GXYLT2: variants seen among roughly 807,000 people sequenced by gnomAD.
The protein encoded by GXYLT2 is glucoside xylosyltransferase 2.
A neutral mutation model predicts 45.8 loss-of-function variants in GXYLT2; 53 were observed. That is an observed-to-expected ratio of 1.16 (90% CI 0.93 to 1.46). GXYLT2 has a LOEUF of 1.46. GXYLT2 is among the 40% of genes most tolerant of loss of function. The probability of loss-of-function intolerance (pLI) is 0.00; values close to 1 mark genes in which losing one functional copy is unlikely to be tolerated. For synonymous variants in GXYLT2, 219 were observed against 214.2 expected (o/e 1.02, Z -0.19); for missense variants, 551 against 544.4 (o/e 1.01, Z -0.12).
rs55680713 is a variant in GXYLT2 at position 72,959,106 on chromosome 3, C to CTTTT, written c.976+1780_976+1783dup. ...TATAGGTGTGCATCACCACACCCAG[C>CTTTT]TTTTTTTTTTTTTTTTTTTTTTTTT... is the stretch of plus-strand genomic sequence containing the variant. On this transcript the variant is annotated intron_variant, in intron 5 of 6. Coordinates refer to ENST00000389617, the MANE Select transcript of GXYLT2 (RefSeq NM_001080393.2). Among the ~76,000 whole-genome samples the CTTTT allele has an allele frequency of 7.8e-4, 47 of 59,994 alleles. 6 individuals carry two copies. Among genetic ancestry groups the CTTTT allele is most frequent in the East Asian group, 3.8e-3 (5 of 1,308 alleles). The allele number at this position is 59,994 out of a possible 152,430, so 39.4% of individuals were successfully genotyped here.
intron 3 of GXYLT2, among the ~76,000 whole-genome samples, chr3:72,954,162 G>A (rs1178574561): frequency 6.6e-6 from 1 of 151,932 alleles, no homozygotes; most frequent in African/African-American, 2.4e-5. Flanking sequence ...AGAGTGTAGT[G>A]GTGCTATCTT....
intron 1 of GXYLT2, among the ~76,000 whole-genome samples, chr3:72,903,643 G>T (rs978431652): frequency 1.3e-5 from 2 of 152,142 alleles, no homozygotes; most frequent in Admixed American, 6.5e-5. Flanking sequence ...GGAATCCCCT[G>T]CCCTACATGG....
intron 3 of GXYLT2, among the ~76,000 whole-genome samples, chr3:72,935,941 G>C (rs1042773419): frequency 1.3e-5 from 2 of 152,176 alleles, no homozygotes; most frequent in African/African-American, 4.8e-5. Flanking sequence ...CAAAGGGGAC[G>C]TGAAAGGAGT....
At chr3:72,926,021 G>C (rs1017012237) in intron 3 of GXYLT2, among the ~76,000 whole-genome samples, 1 of 152,142 alleles carries the variant, frequency 6.6e-6, no homozygotes, top group Non-Finnish European at 1.5e-5. Context: ...TTAAAGTCTA[G>C]GTTGTGTTTT....
At chr3:72,913,285 G>A (rs964986780) in intron 2 of GXYLT2, among the ~76,000 whole-genome samples, 7 of 151,372 alleles carry the variant, frequency 4.6e-5, no homozygotes, top group East Asian at 2.0e-4. Context: ...TGATCCGCCC[G>A]CCTCGGCCTC....
chr3:72,915,921 T>G (rs1229211191), intron 2 of GXYLT2, among the ~76,000 whole-genome samples: 2 of 151,994 alleles, frequency 1.3e-5, no homozygotes, highest in South Asian at 4.1e-4. Context: ...CATGGAGGAC[T>G]TGGGAAAGGT....
chr3:72,912,532 A>G (rs1025056031), intron 2 of GXYLT2, among the ~76,000 whole-genome samples: 58 of 152,216 alleles, frequency 3.8e-4, no homozygotes, highest in African/African-American at 1.4e-3. Context: ...GTACATACAC[A>G]TGTACATACA....
chr3:72,939,907 C>T lies in GXYLT2; in HGVS notation c.601-15191C>T, dbSNP rs1269689058. On this transcript the variant is annotated intron_variant, in intron 3 of 6. Transcript: ENST00000389617. ...ATGTTGCCCAGGCTATTCTTGAACTCCTAGGCTCAAGCAATCCACTCCGCC... is the reference window on the plus strand; with the variant it reads ...ATGTTGCCCAGGCTATTCTTGAACTTCTAGGCTCAAGCAATCCACTCCGCC... Among the ~76,000 whole-genome samples the T allele has an allele frequency of 4.6e-5, 7 of 152,270 alleles. No homozygotes were observed. In the East Asian group the frequency reaches 1.2e-3, roughly 25 times the overall value.
intron 5 of GXYLT2, among the ~76,000 whole-genome samples, chr3:72,966,458 CTTTT>C (rs10662974): frequency 3.0e-5 from 3 of 101,640 alleles, no homozygotes; most frequent in African/African-American, 8.0e-5. Context: ...TTGTGTGTAT[CTTTT>C]TTTTTTTTTT....
chr3:72,908,150 A>C (rs1246318875), intron 1 of GXYLT2: 2 of 522,052 alleles, frequency 3.8e-6, no homozygotes, highest in East Asian at 3.3e-5. Context: ...TAGCAGTCCA[A>C]ACAGTGACTC....
chr3:72,915,337 C>A (rs1279862134), intron 2 of GXYLT2, among the ~76,000 whole-genome samples: 1 of 83,552 alleles, frequency 1.2e-5, no homozygotes, highest in Non-Finnish European at 2.0e-5. Context: ...TTACCCATTT[C>A]CTTTTTTTTT....
At chr3:72,908,131 A>G (rs576177172) in intron 1 of GXYLT2, 1 of 395,226 alleles carries the variant, frequency 2.5e-6, no homozygotes, top group East Asian at 4.2e-5. Context: ...AAAAAGCCTC[A>G]GACACCTATA....
Position 72,975,014 on chromosome 3 carries a change from AC to A in GXYLT2, c.1192del (p.Leu398PhefsTer3). On this transcript the variant is annotated frameshift_variant, in exon 7 of 7. Coordinates refer to ENST00000389617, the MANE Select transcript of GXYLT2 (RefSeq NM_001080393.2). LOFTEE classifies it high-confidence loss of function. ...FQDNLFQSMY[Y>X]PLQLKFLETV... Reference sequence around the variant, plus strand: ...GACAATCTCTTTCAATCCATGTATTACCCCCTTCAGCTGAAGTTTTTGGAGA... The same window carrying A: ...GACAATCTCTTTCAATCCATGTATTACCCCTTCAGCTGAAGTTTTTGGAGA... The A allele has an allele frequency of 1.9e-6, 3 of 1,608,648 alleles. No individual in the cohort carries two copies. Among genetic ancestry groups the A allele is most frequent in the Non-Finnish European group, 2.5e-6 (3 of 1,176,990 alleles).
In GXYLT2 at chr3:72,975,123, C is replaced by G. The variant is rs780017904; in HGVS notation, c.1296C>G (p.His432Gln). The G allele has an allele frequency of 1.2e-6, 2 of 1,613,516 alleles. No homozygotes were observed. The highest frequency in any genetic ancestry group is 1.7e-6 in the Non-Finnish European group (2 of 1,179,680). ...EKTMKRAYEK[H>Q]VIIHVGPNQM... ...CAATGAAAAGGGCTTATGAGAAACA[C>G]GTCATCATCCATGTTGGCCCCAACC... The change falls in exon 7 of 7, where the codon CAC becomes CAG. Residue 432 changes from histidine to glutamine, a missense_variant. Transcript: ENST00000389617.
At chr3:72,898,254 C>T (rs1189051189) in intron 1 of GXYLT2, among the ~76,000 whole-genome samples, 1 of 150,382 alleles carries the variant, frequency 6.6e-6, no homozygotes, top group Non-Finnish European at 1.5e-5. Context: ...TTCTTCGTTT[C>T]CCCCCTCTAA....
chr3:72,926,591 T>C (rs1210025753), intron 3 of GXYLT2, among the ~76,000 whole-genome samples: 2 of 152,226 alleles, frequency 1.3e-5, no homozygotes, highest in African/African-American at 4.8e-5. Context: ...TTGAGTTGTA[T>C]GAATTCACAT....
At chr3:72,943,779 T>C (rs1710345399) in intron 3 of GXYLT2, among the ~76,000 whole-genome samples, 1 of 152,180 alleles carries the variant, frequency 6.6e-6, no homozygotes, top group South Asian at 2.1e-4. Flanking sequence ...AGACACACTG[T>C]TGTGCTAAAA....
intron 5 of GXYLT2, among the ~76,000 whole-genome samples, chr3:72,963,388 C>T (rs1410507591): frequency 6.6e-6 from 1 of 152,018 alleles, no homozygotes; most frequent in Non-Finnish European, 1.5e-5. Flanking sequence ...GCCTGGCCAA[C>T]ATGGCGAAAC....
chr3:72,938,111 A>G (rs911153992), intron 3 of GXYLT2, among the ~76,000 whole-genome samples: 17 of 152,186 alleles, frequency 1.1e-4, no homozygotes, highest in African/African-American at 4.1e-4. Context: ...AATTTTAAAA[A>G]AAGAAAAAAA....
Sources: allele counts gnomAD v4.1 joint callset (sites outside exome capture counted in the v4.1 genomes callset), GRCh38; gene constraint gnomAD v4.1.1; transcripts MANE v1.5; gene names NCBI Gene and HGNC (gene_info 2026-07-23, HGNC 2026-07-21).